TLE4: variants seen among roughly 807,000 people sequenced by gnomAD.
TLE4 encodes the protein transducin-like enhancer protein 4.
In TLE4, 8 loss-of-function variants were observed where a neutral mutation model predicts 92.8. The ratio of observed to expected loss-of-function variants is 0.09; its 90% CI spans 0.05 to 0.16. The LOEUF is 0.16. Ranked by LOEUF, TLE4 falls within the 10% of genes least tolerant of loss-of-function variation. TLE4 has a pLI of 1.00. For missense variants in TLE4, 675 were observed against 997.6 expected, an observed-to-expected ratio of 0.68 and a Z score of 4.36; for synonymous variants, 371 against 374.1, an observed-to-expected ratio of 0.99 and a Z score of 0.10.
At chr9:79,629,817 CTT>C (rs1345404328) in intron 6 of TLE4, among the ~76,000 whole-genome samples, 2 of 152,164 alleles carry the variant, frequency 1.3e-5, no homozygotes, top group African/African-American at 4.8e-5. Flanking sequence ...CTGAGGTTCT[CTT>C]TGTCTTTTTA....
At chr9:79,590,011 A>G (rs1253846941) in intron 4 of TLE4, among the ~76,000 whole-genome samples, 1 of 152,184 alleles carries the variant, frequency 6.6e-6, no homozygotes, top group Non-Finnish European at 1.5e-5. Flanking sequence ...GTGGGCGCTG[A>G]TCAGTGAACC....
At chr9:79,677,429 C>T (rs961762119) in intron 8 of TLE4, among the ~76,000 whole-genome samples, 1 of 152,042 alleles carries the variant, frequency 6.6e-6, no homozygotes, top group Non-Finnish European at 1.5e-5. Context: ...GGGCTGTGTG[C>T]CTTATGTATG....
At chr9:79,659,907 A>C (rs2060286904) in intron 8 of TLE4, among the ~76,000 whole-genome samples, 1 of 152,200 alleles carries the variant, frequency 6.6e-6, no homozygotes, top group South Asian at 2.1e-4. Context: ...TTCAAGGTTA[A>C]AGAATAGAAA....
chr9:79,572,815 T>C lies in TLE4; in HGVS notation c.25T>C (p.Tyr9His). 6.3e-7 allele frequency: 1 copy of C among 1,599,686 alleles called. No individual in the cohort carries two copies. Among genetic ancestry groups the C allele is most frequent in the Non-Finnish European group, 8.5e-7 (1 of 1,174,076 alleles). Reference sequence around the variant, plus strand: ...GATGATTCGCGACCTGAGCAAGATGTACCCGCAGACCAGACACCCAGTGAG... The same window carrying C: ...GATGATTCGCGACCTGAGCAAGATGCACCCGCAGACCAGACACCCAGTGAG... MIRDLSKM[Y>H]PQTRHPAPHQ... Residue 9 changes from tyrosine to histidine, a missense_variant, in exon 1 of 20, where the codon TAC (tyrosine) becomes CAC (histidine). Tyr to His is a moderately conservative substitution (Grantham distance 83). This residue lies in a region of TLE4 where 38 missense variants were observed against 33.5 expected (regional missense o/e 1.14). Coordinates refer to ENST00000376552, the MANE Select transcript of TLE4 (RefSeq NM_007005.6).
At chr9:79,646,213 C>T (rs1053119223) in intron 6 of TLE4, among the ~76,000 whole-genome samples, 11 of 151,954 alleles carry the variant, frequency 7.2e-5, no homozygotes, top group African/African-American at 2.4e-4. Context: ...TTTTATGTTT[C>T]TTAGTGGGAC....
rs751805402 is a variant in TLE4, at chr9:79,573,826, G to A, written c.143+40G>A. 4.9e-6 allele frequency: 7 copies of A among 1,434,112 alleles called. No homozygotes were observed. In the East Asian group the frequency reaches 1.4e-4, roughly 29 times the overall value. The allele number at this position is 1,434,112 out of a possible 1,614,324, so 88.8% of individuals were successfully genotyped here. On this transcript the variant is annotated intron_variant, in intron 2 of 19. Transcript: ENST00000376552. ...TTTAGCTGATCCTTCTGTTTGCTTA[G>A]CTCTTGTCTCCCCGACAAATACACA...
chr9:79,693,559 T>G, intron 8 of TLE4: 1 of 429,504 alleles, frequency 2.3e-6, no homozygotes, highest in Middle Eastern at 3.6e-4. Flanking sequence ...AGCAGACTGT[T>G]GGCTGTGTTA....
chr9:79,694,298 C>A (rs1207914412), intron 8 of TLE4, among the ~76,000 whole-genome samples: 1 of 152,168 alleles, frequency 6.6e-6, no homozygotes, highest in Non-Finnish European at 1.5e-5. Flanking sequence ...GACCTGTGAT[C>A]TTTTGCTGGG....
intron 5 of TLE4, among the ~76,000 whole-genome samples, chr9:79,621,550 A>T (rs1039978454): frequency 2.0e-5 from 3 of 152,196 alleles, no homozygotes; most frequent in African/African-American, 7.2e-5. Context: ...TCCATGAGGT[A>T]GTGAATTGCC....
chr9:79,690,609 G>C (rs1016849417), intron 8 of TLE4, among the ~76,000 whole-genome samples: 3 of 151,212 alleles, frequency 2.0e-5, no homozygotes, highest in Non-Finnish European at 4.4e-5. Flanking sequence ...TAAGACTCCT[G>C]CTTCTTTTTT....
At chr9:79,578,016 A>G (rs2038452932) in intron 4 of TLE4, among the ~76,000 whole-genome samples, 1 of 152,158 alleles carries the variant, frequency 6.6e-6, no homozygotes, top group Admixed American at 6.5e-5. Flanking sequence ...AATCATATCA[A>G]GAATCCTGAG....
At chr9:79,718,015 C>T (rs768359001) in intron 14 of TLE4, 2 of 456,500 alleles carry the variant, frequency 4.4e-6, no homozygotes, top group Non-Finnish European at 8.8e-6. Flanking sequence ...GCTTTTACCA[C>T]CTGAGGGCTT....
At chr9:79,620,648 A>G (rs1015984317) in intron 5 of TLE4, among the ~76,000 whole-genome samples, 3 of 152,188 alleles carry the variant, frequency 2.0e-5, no homozygotes, top group Non-Finnish European at 4.4e-5. Flanking sequence ...GTGTACGTGT[A>G]TGTATGTGTC....
intron 3 of TLE4, 54 bp downstream of exon 3, chr9:79,574,990 A>G: frequency 1.3e-6 from 2 of 1,492,266 alleles, no homozygotes; most frequent in Non-Finnish European, 1.9e-6. Flanking sequence ...AATACCAAAA[A>G]CAAGAATATG....
intron 4 of TLE4, among the ~76,000 whole-genome samples, chr9:79,597,576 A>G (rs1025148513): frequency 6.6e-6 from 1 of 152,102 alleles, no homozygotes; most frequent in Non-Finnish European, 1.5e-5. Flanking sequence ...AAAATGACAT[A>G]GTCCCCCCAC....
At chr9:79,705,235 A>T (rs1741557795) in intron 9 of TLE4, among the ~76,000 whole-genome samples, 1 of 152,260 alleles carries the variant, frequency 6.6e-6, no homozygotes, top group African/African-American at 2.4e-5. Context: ...AGAAAAATAT[A>T]AAATCATAAA....
Position 79,576,097 on chromosome 9 carries a change from AAGT to A in TLE4, c.208-35_208-33del, listed in dbSNP as rs2037665843. The A allele has an allele frequency of 5.0e-6, 7 of 1,413,996 alleles. No homozygotes were observed. In the South Asian group the frequency reaches 1.2e-4, roughly 23 times the overall value. The allele number at this position is 1,413,996 out of a possible 1,614,324, so 87.6% of individuals were successfully genotyped here. A position where few individuals can be genotyped will look rare whatever the true frequency, so the allele number is the denominator to read the frequency against. On this transcript the variant is annotated intron_variant, in intron 3 of 19. Coordinates refer to ENST00000376552, the MANE Select transcript of TLE4 (RefSeq NM_007005.6). ...ACAAACTAGGGAGATTGTTTGATGA[AAGT>A]CATGCATTTAATTGCTTTTCCTTCT...
chr9:79,628,140 TA>T (rs1192880403), intron 6 of TLE4, among the ~76,000 whole-genome samples: 1 of 151,964 alleles, frequency 6.6e-6, no homozygotes, highest in Non-Finnish European at 1.5e-5. Flanking sequence ...AACTTAGAAA[TA>T]ACAATAAAGG....
intron 8 of TLE4, chr9:79,671,269 G>A (rs1401963719): frequency 6.6e-6 from 3 of 456,320 alleles, no homozygotes; most frequent in Admixed American, 2.3e-5. Flanking sequence ...AACCTTCTGG[G>A]TTCCTGTCAG....
Sources: gnomAD v4.1 joint callset for allele counts (sites outside exome capture counted in the v4.1 genomes callset) on GRCh38, gnomAD v4.1.1 for gene constraint, gnomAD v4.1.1 regional missense constraint, MANE v1.5 for transcripts, NCBI Gene and HGNC (gene_info 2026-07-23, HGNC 2026-07-21) for gene names.